Variants in JAKMIP2 observed in about 807,000 individuals in gnomAD.
JAKMIP2 encodes the protein janus kinase and microtubule interacting protein 2, also known as janus kinase and microtubule-interacting protein 2.
A neutral mutation model predicts 115.0 loss-of-function variants in JAKMIP2; 25 were observed. That is an observed-to-expected ratio of 0.22 (90% CI 0.16 to 0.30). The LOEUF (loss-of-function observed/expected upper bound fraction) is 0.30. JAKMIP2 is among the 10% of genes least tolerant of loss of function. The pLI is 1.00. For missense variants in JAKMIP2, 642 were observed against 957.6 expected (o/e 0.67, Z 4.35); for synonymous variants, 334 against 343.6 (o/e 0.97, Z 0.31).
chr5:147,654,476 T>C (rs896088161), intron 3 of JAKMIP2, among the ~76,000 whole-genome samples: 4 of 152,116 alleles, frequency 2.6e-5, no homozygotes, highest in African/African-American at 9.7e-5. Flanking sequence ...TTTGTAGCAA[T>C]TGTGAATGGG....
At chr5:147,751,029 C>T (rs1754532116) in intron 1 of JAKMIP2, among the ~76,000 whole-genome samples, 1 of 152,110 alleles carries the variant, frequency 6.6e-6, no homozygotes, top group Non-Finnish European at 1.5e-5. Flanking sequence ...TCCCATCCAC[C>T]TATACAAGTG....
At chr5:147,616,422 C>T (rs1222697663) in intron 19 of JAKMIP2, among the ~76,000 whole-genome samples, 1 of 152,182 alleles carries the variant, frequency 6.6e-6, no homozygotes, top group Non-Finnish European at 1.5e-5. Context: ...AAAACCAACT[C>T]TTTCAGAGGT....
At chr5:147,656,992 G>C in intron 3 of JAKMIP2, among the ~76,000 whole-genome samples, 1 of 152,158 alleles carries the variant, frequency 6.6e-6, no homozygotes, top group East Asian at 1.9e-4. Flanking sequence ...CTTTAAGAAT[G>C]TTGATGGCTG....
intron 20 of JAKMIP2, among the ~76,000 whole-genome samples, chr5:147,606,965 T>C (rs909320768): frequency 6.6e-6 from 1 of 152,210 alleles, no homozygotes; most frequent in African/African-American, 2.4e-5. Flanking sequence ...CACTCATGAT[T>C]TGGCTCTCTG....
intron 1 of JAKMIP2, among the ~76,000 whole-genome samples, chr5:147,674,093 T>C (rs1759788401): frequency 6.6e-6 from 1 of 152,208 alleles, no homozygotes; most frequent in African/African-American, 2.4e-5. Flanking sequence ...AAAACTAGCA[T>C]AACTAATGCA....
chr5:147,653,562 T>C (rs939906476), intron 3 of JAKMIP2, among the ~76,000 whole-genome samples: 2 of 150,414 alleles, frequency 1.3e-5, no homozygotes, highest in Non-Finnish European at 2.9e-5. Flanking sequence ...TGGAGTTGTT[T>C]GCTTTTTCTT....
intron 1 of JAKMIP2, among the ~76,000 whole-genome samples, chr5:147,700,099 C>G (rs977023165): frequency 6.6e-6 from 1 of 151,988 alleles, no homozygotes; most frequent in African/African-American, 2.4e-5. Context: ...AAACATTTCC[C>G]CAGATAAAGT....
chr5:147,593,034 A>G (rs1446834019), intron 21 of JAKMIP2, among the ~76,000 whole-genome samples: 1 of 152,172 alleles, frequency 6.6e-6, no homozygotes, highest in Non-Finnish European at 1.5e-5. Context: ...AAAGATATTG[A>G]TGGTGGATTC....
chr5:147,688,863 A>G (rs909564093), intron 1 of JAKMIP2, among the ~76,000 whole-genome samples: 3 of 152,252 alleles, frequency 2.0e-5, no homozygotes, highest in African/African-American at 7.2e-5. Context: ...AAGATACAGC[A>G]GTGAATAAAT....
Position 147,590,489 on chromosome 5 carries a change from G to A in JAKMIP2, c.*1218C>T, listed in dbSNP as rs1755056222. 6.6e-6 allele frequency: 1 copy of A among 152,062 alleles called. No individual in the cohort carries two copies. Among genetic ancestry groups the A allele is most frequent in the African/African-American group, 2.4e-5 (1 of 41,414 alleles). The allele number at this position is 152,062 out of a possible 1,614,324, so 9.4% of individuals were successfully genotyped here. A position where few individuals can be genotyped will look rare whatever the true frequency, so the allele number is the denominator to read the frequency against. Reference sequence around the variant, plus strand: ...TATAAAAAAGTAGAGCTATCTTGTTGCTGTCATCTGTCTGGGAAAAAATGT... The same window carrying A: ...TATAAAAAAGTAGAGCTATCTTGTTACTGTCATCTGTCTGGGAAAAAATGT... On this transcript the variant is annotated 3_prime_UTR_variant, in exon 22 of 22. Transcript: ENST00000616793.
chr5:147,766,706 AT>A (rs993440829), intron 1 of JAKMIP2, among the ~76,000 whole-genome samples: 68 of 152,032 alleles, frequency 4.5e-4, no homozygotes, highest in African/African-American at 1.4e-3. Context: ...ATAATCTTTT[AT>A]TTTTTTTCAT....
chr5:147,705,086 T>C (rs1157331539), intron 1 of JAKMIP2, among the ~76,000 whole-genome samples: 1 of 152,206 alleles, frequency 6.6e-6, no homozygotes, highest in Non-Finnish European at 1.5e-5. Flanking sequence ...AAACAGAATG[T>C]TCTTCGCTTT....
chr5:147,737,677 A>C (rs1317304610), intron 1 of JAKMIP2, among the ~76,000 whole-genome samples: 2 of 152,218 alleles, frequency 1.3e-5, no homozygotes, highest in Non-Finnish European at 2.9e-5. Flanking sequence ...TATTGAGTGC[A>C]ATATATCGAT....
chr5:147,695,124 C>T lies in JAKMIP2; in HGVS notation c.-148-23170G>A, dbSNP rs186337448. The stretch of plus-strand genomic sequence containing the variant: ...CTAGACTCAAAACAAACTAACAATG[C>T]GTTAAATATTAACACCCAGGACTCT... On this transcript the variant is annotated intron_variant, in intron 1 of 21. Coordinates refer to ENST00000616793, the MANE Select transcript of JAKMIP2 (RefSeq NM_001270941.2). Among the ~76,000 whole-genome samples, 45 of 152,216 alleles carry T rather than the reference C, an allele frequency of 3.0e-4. No individual in the cohort carries two copies. The South Asian group carries it at 5.6e-3, about 19-fold the overall frequency.
In JAKMIP2 at chr5:147,648,369, A is replaced by G. The variant is rs1758235265; in HGVS notation, c.936+7T>C. 1.9e-6 allele frequency: 3 copies of G among 1,539,742 alleles called. No individual in the cohort carries two copies. The highest frequency in any genetic ancestry group is 1.1e-5 in the South Asian group (1 of 88,990). Reference sequence around the variant, plus strand: ...CAACATCAACAAAAATTTTTAGTATATCTCACCAGTTCATTTCGTTCATCT... The same window carrying G: ...CAACATCAACAAAAATTTTTAGTATGTCTCACCAGTTCATTTCGTTCATCT... On this transcript the variant is annotated splice_region_variant and intron_variant, in intron 5 of 21. Coordinates refer to ENST00000616793, the MANE Select transcript of JAKMIP2 (RefSeq NM_001270941.2).
At chr5:147,699,240 C>T (rs1379435752) in intron 1 of JAKMIP2, among the ~76,000 whole-genome samples, 1 of 152,146 alleles carries the variant, frequency 6.6e-6, no homozygotes, top group Non-Finnish European at 1.5e-5. Context: ...AGAATTGCTG[C>T]TGGCTTGAGT....
At chr5:147,658,099 G>A (rs1241115307) in intron 3 of JAKMIP2, among the ~76,000 whole-genome samples, 1 of 152,018 alleles carries the variant, frequency 6.6e-6, no homozygotes, top group Non-Finnish European at 1.5e-5. Flanking sequence ...TGGCTTTTGC[G>A]ATTTTCGGTG....
chr5:147,680,304 A>C (rs1255318823), intron 1 of JAKMIP2, among the ~76,000 whole-genome samples: 1 of 152,204 alleles, frequency 6.6e-6, no homozygotes, highest in Non-Finnish European at 1.5e-5. Flanking sequence ...TGAAGAGACT[A>C]AAGAAATCCA....
chr5:147,622,715 G>C (rs1290823494), intron 17 of JAKMIP2, among the ~76,000 whole-genome samples: 2 of 152,130 alleles, frequency 1.3e-5, no homozygotes, highest in African/African-American at 4.8e-5. Flanking sequence ...CTATGAACAT[G>C]GGTGTATAAA....
Sources: gnomAD v4.1 joint callset for allele counts (sites outside exome capture counted in the v4.1 genomes callset) on GRCh38, gnomAD v4.1.1 for gene constraint, MANE v1.5 for transcripts, NCBI Gene and HGNC (gene_info 2026-07-23, HGNC 2026-07-21) for gene names.